The following IL12RB1 variants were observed in gnomAD, a reference collection of about 807,000 sequenced individuals.
IL12RB1 encodes interleukin-12 receptor subunit beta-1.
IL12RB1 carries 64 observed loss-of-function variants against 94.4 expected under a neutral mutation model. The observed-to-expected ratio is 0.68, with a 90% CI of 0.55 to 0.83. The LOEUF (loss-of-function observed/expected upper bound fraction) is 0.83, where lower values mean the gene tolerates loss of function less well. Ranked by LOEUF, IL12RB1 falls within the 40% of genes least tolerant of loss-of-function variation. The pLI is 0.00. For synonymous variants in IL12RB1, 362 were observed against 355.5 expected (o/e 1.02, Z -0.21); for missense variants, 814 against 855.6 (o/e 0.95, Z 0.61).
intron 1 of IL12RB1, among the ~76,000 whole-genome samples, chr19:18,084,181 C>T (rs2036143560): frequency 6.8e-6 from 1 of 147,660 alleles, no homozygotes; most frequent in Non-Finnish European, 1.5e-5. Context: ...CCATCTGCCC[C>T]ACCATCCATC....
Position 18,080,905 on chromosome 19 carries a change from T to G in IL12RB1, c.336A>C (p.Thr112=). Residue 112 remains threonine, a synonymous_variant, in exon 4 of 17, where the codon ACA becomes ACC. Coordinates refer to ENST00000593993, the MANE Select transcript of IL12RB1 (RefSeq NM_005535.3). ...TCCTGGCCCAGGATTCCACCCAGAG[T>G]GTGACAGTGTACAGCACAGACACCC... ...QAGVSVLYTV[T]LWVESWARNQ... 5.6e-6 allele frequency: 9 copies of G among 1,612,874 alleles called. No individual in the cohort carries two copies. Among genetic ancestry groups the G allele is most frequent in the Non-Finnish European group, 7.6e-6 (9 of 1,179,156 alleles).
chr19:18,080,765 G>C (rs761151306), intron 4 of IL12RB1, 67 bp downstream of exon 4: 12 of 1,058,248 alleles, frequency 1.1e-5, no homozygotes, highest in Non-Finnish European at 1.6e-5. Context: ...ATCCTCTCTA[G>C]CTCCAGCCTT....
chr19:18,061,156 G>A lies in IL12RB1; in HGVS notation c.1757C>T (p.Ala586Val). Residue 586 changes from alanine to valine, a missense_variant, in exon 15 of 17, where the codon GCC (alanine) becomes GTC (valine). By Grantham distance (64) the Ala-to-Val change is moderately conservative (BLOSUM62 0). Coordinates refer to ENST00000593993, the MANE Select transcript of IL12RB1 (RefSeq NM_005535.3). Reference sequence around the variant, plus strand: ...TCCAGGGAACTCAATGGCGGAGCTGGCACAGGGTGTGGGCAGCGGCGGGCA... The same window carrying A: ...TCCAGGGAACTCAATGGCGGAGCTGACACAGGGTGTGGGCAGCGGCGGGCA... ...HLCPPLPTPC[A>V]SSAIEFPGGK... is the part of the protein sequence containing the mutation. 3 of 1,602,588 alleles carry A rather than the reference G, an allele frequency of 1.9e-6. No individual in the cohort carries two copies. The highest frequency in any genetic ancestry group is 8.5e-7 in the Non-Finnish European group (1 of 1,173,186).
intron 2 of IL12RB1, chr19:18,083,126 T>G (rs1401078324): frequency 9.0e-6 from 4 of 445,800 alleles, no homozygotes; most frequent in East Asian, 8.2e-5. Flanking sequence ...TTTATCAGGT[T>G]GGGGGGGGGG....
At chr19:18,081,440 G>A (rs1242486335) in intron 3 of IL12RB1, among the ~76,000 whole-genome samples, 3 of 151,874 alleles carry the variant, frequency 2.0e-5, no homozygotes, top group Non-Finnish European at 4.4e-5. Context: ...CCCCCAGCCT[G>A]GGGGTTCCTT....
intron 4 of IL12RB1, among the ~76,000 whole-genome samples, chr19:18,079,891 C>T (rs1251604678): frequency 2.0e-5 from 3 of 151,678 alleles, no homozygotes; most frequent in Admixed American, 6.6e-5. Flanking sequence ...AGCGAAACTC[C>T]ATCTCAAAAA....
rs564068839 is a variant in IL12RB1 at position 18,076,585 on chromosome 19, G to A, written c.550-258C>T. ...CACTCAGCTAATTTTTGCATTTTTGGTAGAGACGGGATTTCACCATGTTGC... is the reference window on the plus strand; with the variant it reads ...CACTCAGCTAATTTTTGCATTTTTGATAGAGACGGGATTTCACCATGTTGC... On this transcript the variant is annotated intron_variant, in intron 5 of 16. Transcript: ENST00000593993. Among the ~76,000 whole-genome samples the A allele has an allele frequency of 7.2e-5, 11 of 152,088 alleles. No individual in the cohort carries two copies. The South Asian group carries it at 2.3e-3, about 32-fold the overall frequency.
intron 1 of IL12RB1, among the ~76,000 whole-genome samples, chr19:18,094,736 G>A (rs1426566771): frequency 6.6e-6 from 1 of 152,148 alleles, no homozygotes; most frequent in Non-Finnish European, 1.5e-5. Flanking sequence ...ATGGCGGCAT[G>A]TGCCTGTAGT....
intron 2 of IL12RB1, 79 bp downstream of exon 2, chr19:18,083,353 C>T (rs939530911): frequency 3.7e-6 from 5 of 1,339,984 alleles, no homozygotes; most frequent in East Asian, 2.3e-5. Context: ...GTGGTGGAGG[C>T]CATGGGAGGG....
intron 4 of IL12RB1, 31 bp from the exon 5 acceptor site, chr19:18,077,686 C>G (rs1451228949): frequency 6.8e-7 from 1 of 1,466,948 alleles, no homozygotes; most frequent in Non-Finnish European, 9.6e-7. Context: ...TGGCGAGGGG[C>G]AGCCCACACG....
rs748173451 is a variant in IL12RB1, at chr19:18,075,814, C to T, written c.635G>A (p.Arg212Gln). ...ACTTCCTTGGCTCCCCAGCTGCCGT[C>T]GTCGGAGCTGGAATTCCTGGGCCAC... is the stretch of plus-strand genomic sequence containing the variant. ...MNVAQEFQLR[R>Q]RQLGSQGSSW... is the part of the protein sequence containing the mutation. Residue 212 changes from arginine to glutamine, a missense_variant, in exon 7 of 17, where the codon CGA becomes CAA. Coordinates refer to ENST00000593993, the MANE Select transcript of IL12RB1 (RefSeq NM_005535.3). 1.2e-6 allele frequency: 2 copies of T among 1,612,284 alleles called. No homozygotes were observed. The highest frequency in any genetic ancestry group is 1.7e-5 in the Admixed American group (1 of 60,008).
rs970651176 is a variant in IL12RB1 at position 18,059,625 on chromosome 19, A to G, written c.1984-12T>C. On this transcript the variant is annotated splice_polypyrimidine_tract_variant and intron_variant, in intron 16 of 16. Transcript: ENST00000593993. ...CTCAACGATCACATCTGTAAAGTACAACAGTCATGGTTCCTTTCAGGGGGT... is the reference window on the plus strand; with the variant it reads ...CTCAACGATCACATCTGTAAAGTACGACAGTCATGGTTCCTTTCAGGGGGT... The G allele has an allele frequency of 3.8e-6, 3 of 780,476 alleles. No homozygotes were observed. In the Admixed American group the frequency reaches 5.1e-5, roughly 13 times the overall value. 48.3% of individuals were successfully genotyped at this position (780,476 alleles called of 1,614,324 possible). A position where few individuals can be genotyped will look rare whatever the true frequency, so the allele number is the denominator to read the frequency against.
intron 3 of IL12RB1, among the ~76,000 whole-genome samples, chr19:18,081,240 C>T (rs1167839557): frequency 1.3e-5 from 2 of 151,994 alleles, no homozygotes; most frequent in Non-Finnish European, 2.9e-5. Flanking sequence ...GGATTACAGG[C>T]ACATGCCACC....
chr19:18,059,437 C>T lies in IL12RB1; in HGVS notation c.*171G>A. 1 of 656,942 alleles carries T rather than the reference C, an allele frequency of 1.5e-6. No individual in the cohort carries two copies. Among genetic ancestry groups the T allele is most frequent in the East Asian group, 2.7e-5 (1 of 36,680 alleles). 40.7% of individuals were successfully genotyped at this position (656,942 alleles called of 1,614,324 possible). A position where few individuals can be genotyped will look rare whatever the true frequency, so the allele number is the denominator to read the frequency against. On this transcript the variant is annotated 3_prime_UTR_variant, in exon 17 of 17. Transcript: ENST00000593993. ...CAGCAGGGTGCAGCAGCTTCCATTT[C>T]ATGGCAGCATCTAGGGTTCCCCCGC...
chr19:18,072,210 T>A lies in IL12RB1; in HGVS notation c.923A>T (p.Tyr308Phe). 6.2e-6 allele frequency: 10 copies of A among 1,614,034 alleles called. No homozygotes were observed. The highest frequency in any genetic ancestry group is 7.6e-6 in the Non-Finnish European group (9 of 1,179,928). Residue 308 changes from tyrosine (Y) to phenylalanine (F), a missense_variant, in exon 9 of 17, where the codon TAT becomes TTT. Coordinates refer to ENST00000593993, the MANE Select transcript of IL12RB1 (RefSeq NM_005535.3). ...TRTLHLGKMP[Y>F]LSGAAYNVAV... The stretch of plus-strand genomic sequence containing the variant: ...CACGTTGTAGGCAGCACCCGAGAGA[T>A]AGGGCATCTTCCCCAGGTGCAGGGT...
chr19:18,081,150 C>T, intron 3 of IL12RB1, 149 bp from the exon 4 acceptor site: 4 of 718,136 alleles, frequency 5.6e-6, no homozygotes, highest in Non-Finnish European at 7.0e-6. Flanking sequence ...GGCTGGAGTG[C>T]AGTCGCGCAA....
rs2035428830 is a variant in IL12RB1 at position 18,075,790 on chromosome 19, C to G, written c.659G>C (p.Ser220Thr). 6.2e-7 allele frequency: 1 copy of G among 1,613,122 alleles called. No homozygotes were observed. Among genetic ancestry groups the G allele is most frequent in the Admixed American group, 1.7e-5 (1 of 59,980 alleles). ...LRRRQLGSQG[S>T]SWSKWSSPVC... Reference sequence around the variant, plus strand: ...GGGGCTGCTCCACTTGCTCCAGGAACTTCCTTGGCTCCCCAGCTGCCGTCG... The same window carrying G: ...GGGGCTGCTCCACTTGCTCCAGGAAGTTCCTTGGCTCCCCAGCTGCCGTCG... The change falls in exon 7 of 17, where the codon AGT (serine) becomes ACT (threonine). Residue 220 changes from serine to threonine, a missense_variant. Physicochemically the swap from Ser to Thr is moderately conservative, Grantham distance 58 (BLOSUM62 1). Coordinates refer to ENST00000593993, the MANE Select transcript of IL12RB1 (RefSeq NM_005535.3).
At chr19:18,082,654 C>G (rs2146424066) in intron 2 of IL12RB1, among the ~76,000 whole-genome samples, 1 of 152,330 alleles carries the variant, frequency 6.6e-6, no homozygotes, top group African/African-American at 2.4e-5. Context: ...GAGCTCATAG[C>G]CAGTTGCCTA....
intron 4 of IL12RB1, among the ~76,000 whole-genome samples, chr19:18,079,384 G>A (rs59324511): frequency 0.1 from 15,593 of 152,032 alleles, 954 homozygotes; most frequent in East Asian, 0.28. Context: ...GATTACAGGC[G>A]TGAACCACTG....
Sources: allele counts gnomAD v4.1 joint callset (sites outside exome capture counted in the v4.1 genomes callset), GRCh38; gene constraint gnomAD v4.1.1; transcripts MANE v1.5; gene names NCBI Gene and HGNC (gene_info 2026-07-23, HGNC 2026-07-21).